Variants in CMIP observed in about 807,000 individuals in gnomAD.
The protein encoded by CMIP is c-Maf inducing protein.
Under a neutral mutation model 97.3 loss-of-function variants are expected in CMIP, and 13 were observed. That is an observed-to-expected ratio of 0.13 (90% confidence interval 0.09 to 0.21). The LOEUF (loss-of-function observed/expected upper bound fraction) is 0.21. CMIP is among the 10% of genes least tolerant of loss of function. CMIP has a pLI of 1.00. For missense variants in CMIP, 847 were observed against 1,024.9 expected (o/e 0.83, Z 2.37); for synonymous variants, 538 against 436.3 (o/e 1.23, Z -2.91).
In CMIP at chr16:81,561,702, A is replaced by T. The variant is rs181872690; in HGVS notation, c.301-45865A>T. ...AAATCTGACTCTGGCTTTAAAAAGC[A>T]TCCCTCAGCTGCTGTATGGACAGTA... On this transcript the variant is annotated intron_variant, in intron 1 of 20. Coordinates refer to ENST00000537098, the MANE Select transcript of CMIP (RefSeq NM_198390.3). Among the ~76,000 whole-genome samples, 669 of 152,356 alleles carry T rather than the reference A, an allele frequency of 4.4e-3. 3 individuals carry two copies. The highest frequency in any genetic ancestry group is 8.8e-3 in the Admixed American group (134 of 15,308).
In CMIP at chr16:81,652,485, C is replaced by T. The variant is rs1002334173; in HGVS notation, c.639+121C>T. On this transcript the variant is annotated intron_variant, in intron 4 of 20. Transcript: ENST00000537098. This position sits in a 1 kb window ranked among gnomAD's most constrained non-coding sequence, Gnocchi z 5.2. ...GTGGGCTGTGTTGTTGCCCTGCTGCCGAAGGAGGTGAGCAGTTGCCCACCC... is the reference window on the plus strand; with the variant it reads ...GTGGGCTGTGTTGTTGCCCTGCTGCTGAAGGAGGTGAGCAGTTGCCCACCC... 120 of 882,454 alleles carry T rather than the reference C, an allele frequency of 1.4e-4. No individual in the cohort carries two copies. The highest frequency in any genetic ancestry group is 2.9e-4 in the Admixed American group (11 of 37,584). The allele number at this position is 882,454 out of a possible 1,614,324, so 54.7% of individuals were successfully genotyped here.
intron 10 of CMIP, among the ~76,000 whole-genome samples, chr16:81,691,496 G>A (rs1465404701): frequency 6.6e-6 from 1 of 152,174 alleles, no homozygotes; most frequent in African/African-American, 2.4e-5. Context: ...CAATGATCAC[G>A]TAGCCTTGGT....
At chr16:81,491,361 G>A (rs1006176372) in intron 1 of CMIP, among the ~76,000 whole-genome samples, 26 of 152,128 alleles carry the variant, frequency 1.7e-4, no homozygotes, top group Admixed American at 2.0e-4. Flanking sequence ...CTGAGTCCTC[G>A]TTTTCTTGGT....
intron 1 of CMIP, chr16:81,476,204 T>G: frequency 7.5e-7 from 1 of 1,333,712 alleles, no homozygotes; most frequent in South Asian, 1.2e-5. Flanking sequence ...CCGTTTGTGT[T>G]GGGTCCAGCA....
chr16:81,584,003 G>T (rs1336596232), intron 1 of CMIP, among the ~76,000 whole-genome samples: 1 of 152,178 alleles, frequency 6.6e-6, no homozygotes, highest in African/African-American at 2.4e-5. Context: ...AGGATAGAGG[G>T]CAAGGGAAGG....
intron 1 of CMIP, among the ~76,000 whole-genome samples, chr16:81,529,682 G>T (rs1261288877): frequency 6.6e-6 from 1 of 152,210 alleles, no homozygotes; most frequent in East Asian, 1.9e-4. Flanking sequence ...AGAGGGAGGT[G>T]GGAGAGTCTG....
intron 1 of CMIP, among the ~76,000 whole-genome samples, chr16:81,559,166 TG>T (rs2090827913): frequency 6.6e-6 from 1 of 152,222 alleles, no homozygotes; most frequent in Non-Finnish European, 1.5e-5. Context: ...TGGCGCTTTT[TG>T]TTTTTATTTA....
chr16:81,699,946 G>A, intron 15 of CMIP, 145 bp downstream of exon 15: 2 of 605,860 alleles, frequency 3.3e-6, no homozygotes, highest in South Asian at 1.9e-5. Context: ...CCTGAGCTTA[G>A]TGGGAGCCTC....
intron 1 of CMIP, among the ~76,000 whole-genome samples, chr16:81,491,784 A>G (rs2089410036): frequency 6.6e-6 from 1 of 151,894 alleles, no homozygotes. Flanking sequence ...GCTTGTATCG[A>G]TTTTCCACTT....
chr16:81,648,823 C>G (rs775925630), intron 3 of CMIP, among the ~76,000 whole-genome samples: 1 of 129,988 alleles, frequency 7.7e-6, no homozygotes, highest in Admixed American at 8.5e-5. Context: ...AAAAAAAAGC[C>G]CTGAAGAGTT....
chr16:81,620,764 G>A, intron 2 of CMIP, 112 bp from the exon 3 acceptor site: 1 of 1,272,684 alleles, frequency 7.9e-7, no homozygotes, highest in South Asian at 1.3e-5. Flanking sequence ...TAGGGTCACA[G>A]GGCAGACGCT....
At chr16:81,525,500 T>C (rs2090113762) in intron 1 of CMIP, among the ~76,000 whole-genome samples, 1 of 152,090 alleles carries the variant, frequency 6.6e-6, no homozygotes, top group African/African-American at 2.4e-5. Context: ...TAACGTAAGG[T>C]TTACCATTTT....
chr16:81,488,847 C>G (rs2089362166), intron 1 of CMIP, among the ~76,000 whole-genome samples: 1 of 152,112 alleles, frequency 6.6e-6, no homozygotes, highest in African/African-American at 2.4e-5. Flanking sequence ...GATGTAGTTG[C>G]CACTGTAGAA....
intron 1 of CMIP, among the ~76,000 whole-genome samples, chr16:81,572,086 C>T (rs1417856113): frequency 2.0e-5 from 3 of 152,230 alleles, no homozygotes; most frequent in African/African-American, 4.8e-5. Context: ...TGTTCTGGCG[C>T]GTCCTTGGGC....
intron 3 of CMIP, among the ~76,000 whole-genome samples, chr16:81,647,702 C>T (rs902823879): frequency 1.3e-5 from 2 of 152,136 alleles, no homozygotes; most frequent in African/African-American, 4.8e-5. Context: ...GCGTCCCTAT[C>T]CCAGCTCCAC....
At chr16:81,529,994 A>G (rs768963288) in intron 1 of CMIP, among the ~76,000 whole-genome samples, 6 of 152,210 alleles carry the variant, frequency 3.9e-5, no homozygotes, top group Non-Finnish European at 7.3e-5. Context: ...AAACCTTTGT[A>G]CGAGGGTCCG....
intron 3 of CMIP, among the ~76,000 whole-genome samples, chr16:81,646,248 G>GTGGATGGATGGA (rs142200346): frequency 1.2e-5 from 1 of 85,916 alleles, no homozygotes; most frequent in African/African-American, 4.0e-5. Context: ...GGGCGGGTGG[G>GTGGATGGATGGA]TGGATGGATG....
intron 3 of CMIP, among the ~76,000 whole-genome samples, chr16:81,641,772 C>T (rs575760232): frequency 7.9e-5 from 12 of 152,366 alleles, no homozygotes; most frequent in African/African-American, 2.9e-4. Context: ...CTGCACCAGC[C>T]TGCAACTGCC....
At chr16:81,701,325 G>A (rs1907375779) in intron 15 of CMIP, among the ~76,000 whole-genome samples, 1 of 152,188 alleles carries the variant, frequency 6.6e-6, no homozygotes, top group Non-Finnish European at 1.5e-5. Context: ...AGAGAGAGGT[G>A]TCTTAACTTC....
Sources: gnomAD v4.1 joint callset for allele counts (sites outside exome capture counted in the v4.1 genomes callset) on GRCh38, gnomAD v4.1.1 for gene constraint, Gnocchi (gnomAD v3.1) non-coding constraint, MANE v1.5 for transcripts, NCBI Gene and HGNC (gene_info 2026-07-23, HGNC 2026-07-21) for gene names.